PAPSS2: variants seen among roughly 807,000 people sequenced by gnomAD.
PAPSS2 encodes bifunctional 3'-phosphoadenosine 5'-phosphosulfate synthase 2.
Under a neutral mutation model 66.5 loss-of-function variants are expected in PAPSS2, and 61 were observed. The observed-to-expected ratio is 0.92, with a 90% confidence interval of 0.75 to 1.14. PAPSS2 has a LOEUF of 1.14. PAPSS2 is among the 50% of genes most tolerant of loss of function. The pLI is 0.00. For synonymous variants in PAPSS2, 289 were observed against 287.5 expected (o/e 1.01, Z -0.05); for missense variants, 708 against 789.6 (o/e 0.90, Z 1.24).
chr10:87,741,222 A>G lies in PAPSS2; in HGVS notation c.1087-13A>G. On this transcript the variant is annotated splice_polypyrimidine_tract_variant and intron_variant, in intron 9 of 12. Transcript: ENST00000456849. ...CAATTAATCATTAGCAATCATAACA[A>G]TGTTCTTTCTAGATGGTGATGGAAA... 2.5e-6 allele frequency: 4 copies of G among 1,613,096 alleles called. No individual in the cohort carries two copies. Among genetic ancestry groups the G allele is most frequent in the Middle Eastern group, 1.6e-4 (1 of 6,062 alleles).
Position 87,706,108 on chromosome 10 carries a change from A to ATATATG in PAPSS2, c.28-3087_28-3086insATATGT. Among the ~76,000 whole-genome samples, 167 of 52,012 alleles carry ATATATG rather than the reference A, an allele frequency of 3.2e-3. 1 individual carries two copies. Among genetic ancestry groups the ATATATG allele is most frequent in the South Asian group, 6.9e-3 (10 of 1,448 alleles). 34.1% of individuals were successfully genotyped at this position (52,012 alleles called of 152,430 possible). A position where few individuals can be genotyped will look rare whatever the true frequency, so the allele number is the denominator to read the frequency against. On this transcript the variant is annotated intron_variant, in intron 1 of 12. Coordinates refer to ENST00000456849, the MANE Select transcript of PAPSS2 (RefSeq NM_001015880.2). Reference sequence around the variant, plus strand: ...GGTATATATATATATATATATATATATGTGTGTGTGTGTGTGTGTGTGTGT... The same window carrying ATATATG: ...GGTATATATATATATATATATATATATATATGTGTGTGTGTGTGTGTGTGTGTGTGT...
intron 1 of PAPSS2, among the ~76,000 whole-genome samples, chr10:87,669,463 C>T (rs527996970): frequency 2.0e-5 from 3 of 152,256 alleles, no homozygotes; most frequent in Admixed American, 2.0e-4. Context: ...GCCATTGGGT[C>T]ACTAGTACAA....
Position 87,745,930 on chromosome 10 carries a change from A to C in PAPSS2, c.1820A>C (p.Lys607Thr). 1 of 1,614,110 alleles carries C rather than the reference A, an allele frequency of 6.2e-7. No homozygotes were observed. The highest frequency in any genetic ancestry group is 1.1e-5 in the South Asian group (1 of 91,080). Residue 607 changes from lysine to threonine, a missense_variant, in exon 13 of 13, where the codon AAG becomes ACG. By Grantham distance (78) the Lys-to-Thr change is moderately conservative. Coordinates refer to ENST00000456849, the MANE Select transcript of PAPSS2 (RefSeq NM_001015880.2). ...GGCTTCATGGCCCCCAAAGCATGGA[A>C]GGTCCTGACAGATTATTACAGGTCC... ...PDGFMAPKAW[K>T]VLTDYYRSLE...
chr10:87,745,817 GCCAC>G lies in PAPSS2; in HGVS notation c.1722-12_1722-9del. On this transcript the variant is annotated splice_polypyrimidine_tract_variant and intron_variant, in intron 12 of 12. Coordinates refer to ENST00000456849, the MANE Select transcript of PAPSS2 (RefSeq NM_001015880.2). ...ATTTACCTACACTGAGTTCTTTGTT[GCCAC>G]CCTGTAACAGGCACAATGAGTTTGA... 1 of 1,613,784 alleles carries G rather than the reference GCCAC, an allele frequency of 6.2e-7. No homozygotes were observed. The highest frequency in any genetic ancestry group is 1.1e-5 in the South Asian group (1 of 91,076).
At chr10:87,704,727 C>T (rs1167294576) in intron 1 of PAPSS2, among the ~76,000 whole-genome samples, 3 of 152,110 alleles carry the variant, frequency 2.0e-5, no homozygotes, top group South Asian at 2.1e-4. Context: ...CTGCAACCTC[C>T]GCTTCCTGGG....
chr10:87,712,266 A>G (rs1589434196), intron 2 of PAPSS2, among the ~76,000 whole-genome samples: 1 of 152,142 alleles, frequency 6.6e-6, no homozygotes, highest in Non-Finnish European at 1.5e-5. Context: ...AAGCCAAAGG[A>G]CAGCCTGCGG....
chr10:87,710,541 G>A (rs909399473), intron 2 of PAPSS2, among the ~76,000 whole-genome samples: 13 of 152,044 alleles, frequency 8.6e-5, no homozygotes, highest in African/African-American at 2.2e-4. Flanking sequence ...AACAACTTTC[G>A]TGTTGGGCTA....
At chr10:87,688,059 G>C (rs1228930814) in intron 1 of PAPSS2, among the ~76,000 whole-genome samples, 1 of 152,134 alleles carries the variant, frequency 6.6e-6, no homozygotes, top group African/African-American at 2.4e-5. Flanking sequence ...TGATCCAGGA[G>C]AAATGGATGT....
intron 11 of PAPSS2, among the ~76,000 whole-genome samples, chr10:87,744,129 A>T (rs1853908589): frequency 6.6e-6 from 1 of 152,162 alleles, no homozygotes; most frequent in African/African-American, 2.4e-5. Flanking sequence ...TGCTAGAAAC[A>T]TCAAATCAAA....
At chr10:87,711,686 A>G (rs1853463661) in intron 2 of PAPSS2, among the ~76,000 whole-genome samples, 2 of 152,234 alleles carry the variant, frequency 1.3e-5, no homozygotes, top group South Asian at 4.1e-4. Flanking sequence ...AGCCAAAGGC[A>G]TGACTTTAAA....
chr10:87,704,153 A>C (rs1310495693), intron 1 of PAPSS2: 1 of 410,220 alleles, frequency 2.4e-6, no homozygotes, highest in Non-Finnish European at 4.7e-6. Context: ...AAATAGGAAT[A>C]AAATATTTGA....
At chr10:87,712,794 C>T (rs756176472) in intron 2 of PAPSS2, among the ~76,000 whole-genome samples, 1 of 152,034 alleles carries the variant, frequency 6.6e-6, no homozygotes, top group Non-Finnish European at 1.5e-5. Context: ...AAACACTCTG[C>T]AGCCCAAACA....
At chr10:87,684,840 A>G (rs991049411) in intron 1 of PAPSS2, among the ~76,000 whole-genome samples, 1 of 152,250 alleles carries the variant, frequency 6.6e-6, no homozygotes, top group Non-Finnish European at 1.5e-5. Context: ...TGGTTGAGCC[A>G]GACCTTGAGC....
intron 8 of PAPSS2, among the ~76,000 whole-genome samples, chr10:87,724,275 T>G (rs946954647): frequency 5.3e-5 from 8 of 151,708 alleles, no homozygotes; most frequent in African/African-American, 1.9e-4. Flanking sequence ...AAAAAAAAAG[T>G]ATTCACTCAA....
At chr10:87,691,532 G>A (rs1853171479) in intron 1 of PAPSS2, among the ~76,000 whole-genome samples, 1 of 151,862 alleles carries the variant, frequency 6.6e-6, no homozygotes, top group Admixed American at 6.6e-5. Flanking sequence ...AGTTTCTTGG[G>A]CCCTACCGCC....
At chr10:87,670,768 G>C (rs61853128) in intron 1 of PAPSS2, among the ~76,000 whole-genome samples, 1 of 152,124 alleles carries the variant, frequency 6.6e-6, no homozygotes, top group Admixed American at 6.5e-5. Context: ...TCTGTCTAAA[G>C]GATGTGTTGT....
chr10:87,710,234 T>C (rs958461228), intron 2 of PAPSS2, among the ~76,000 whole-genome samples: 2 of 152,232 alleles, frequency 1.3e-5, no homozygotes, highest in Admixed American at 6.5e-5. Flanking sequence ...TTTGCCCTTT[T>C]CTGTCCCAAC....
At chr10:87,692,637 C>G (rs1310196084) in intron 1 of PAPSS2, among the ~76,000 whole-genome samples, 1 of 152,126 alleles carries the variant, frequency 6.6e-6, no homozygotes, top group Non-Finnish European at 1.5e-5. Context: ...CTTCTAATGC[C>G]TTGGTTTGCC....
chr10:87,664,254 A>G (rs1852789101), intron 1 of PAPSS2, among the ~76,000 whole-genome samples: 1 of 152,218 alleles, frequency 6.6e-6, no homozygotes, highest in Non-Finnish European at 1.5e-5. Context: ...AAACAAATGC[A>G]GAAATATAGA....
Sources: allele counts gnomAD v4.1 joint callset (sites outside exome capture counted in the v4.1 genomes callset), GRCh38; gene constraint gnomAD v4.1.1; transcripts MANE v1.5; gene names NCBI Gene and HGNC (gene_info 2026-07-23, HGNC 2026-07-21).